DPYS: variants seen among roughly 807,000 people sequenced by gnomAD.
DPYS encodes the protein dihydropyrimidine amidohydrolase.
DPYS carries 39 observed loss-of-function variants against 50.3 expected under a neutral mutation model. That is an observed-to-expected ratio of 0.78 (90% CI 0.60 to 1.01). The LOEUF (loss-of-function observed/expected upper bound fraction) is 1.01. DPYS is among the 50% of genes least tolerant of loss of function. The probability of loss-of-function intolerance (pLI) is 0.00; values close to 1 mark genes in which losing one functional copy is unlikely to be tolerated. For missense variants in DPYS, 659 were observed against 680.9 expected (o/e 0.97, Z 0.36); for synonymous variants, 245 against 250.7 (o/e 0.98, Z 0.22).
At chr8:104,385,490 G>T (rs370752098) in intron 8 of DPYS, among the ~76,000 whole-genome samples, 34 of 152,174 alleles carry the variant, frequency 2.2e-4, no homozygotes, top group African/African-American at 7.5e-4. Context: ...CCCAGTACAT[G>T]CTGGTCAAGA....
chr8:104,433,398 G>T (rs1255014868), intron 4 of DPYS, among the ~76,000 whole-genome samples: 2 of 152,104 alleles, frequency 1.3e-5, no homozygotes, highest in East Asian at 1.9e-4. Flanking sequence ...AAAGGACAAT[G>T]GAGTGTTCTG....
rs1811025742 is a variant in DPYS, at chr8:104,381,280, T to G, written c.1478A>C (p.Tyr493Ser). 6.2e-7 allele frequency: 1 copy of G among 1,614,206 alleles called. No homozygotes were observed. Residue 493 changes from tyrosine to serine, a missense_variant, in exon 9 of 10, where the codon TAT (tyrosine) becomes TCT (serine). Physicochemically the swap from Tyr to Ser is moderately radical, Grantham distance 144. Coordinates refer to ENST00000351513, the MANE Select transcript of DPYS (RefSeq NM_001385.3). ...TTTCAGTGTGGCGACTTCTCCCTTA[T>G]AGGGTGCACGCTCCACAGGGGTAGG... ...CTPTPVERAPYKGEVATLKSR... is the reference protein window; with the variant it reads ...CTPTPVERAPSKGEVATLKSR...
intron 7 of DPYS, among the ~76,000 whole-genome samples, chr8:104,417,349 T>A (rs1812402115): frequency 6.6e-6 from 1 of 152,160 alleles, no homozygotes; most frequent in Non-Finnish European, 1.5e-5. Context: ...TGCCAGAACA[T>A]GACTTACTGC....
chr8:104,428,064 A>C lies in DPYS; in HGVS notation c.1008T>G (p.Ala336=), dbSNP rs1436575179. 36 of 1,614,118 alleles carry C rather than the reference A, an allele frequency of 2.2e-5. No homozygotes were observed. The highest frequency in any genetic ancestry group is 3.0e-5 in the Non-Finnish European group (35 of 1,180,046). Residue 336 remains alanine (A), a synonymous_variant, in exon 6 of 10, where the codon GCT becomes GCG. Coordinates refer to ENST00000351513, the MANE Select transcript of DPYS (RefSeq NM_001385.3). ...TCTTGGTAAAATCATCCTTCCCAAG[A>C]GCTTTCTGGCAGGTGTTGAAAGTGC... ...DNCTFNTCQK[A]LGKDDFTKIP... is the part of the protein sequence containing the mutation.
intron 4 of DPYS, among the ~76,000 whole-genome samples, chr8:104,443,316 G>A (rs1813415259): frequency 6.6e-6 from 1 of 150,526 alleles, no homozygotes; most frequent in African/African-American, 2.4e-5. Context: ...TTTAAGATGA[G>A]TATTTACATA....
At chr8:104,448,111 A>G (rs900508317) in intron 2 of DPYS, among the ~76,000 whole-genome samples, 1 of 150,828 alleles carries the variant, frequency 6.6e-6, no homozygotes, top group Non-Finnish European at 1.5e-5. Flanking sequence ...CAGGGTTGCC[A>G]GGGGTCAGGG....
intron 1 of DPYS, among the ~76,000 whole-genome samples, chr8:104,457,665 C>T (rs145892974): frequency 2.6e-5 from 4 of 152,126 alleles, no homozygotes; most frequent in Admixed American, 6.5e-5. Context: ...GAGAAAAGTT[C>T]GTGGCTGAAT....
intron 1 of DPYS, 46 bp from the exon 2 acceptor site, chr8:104,451,450 G>A (rs1172379175): frequency 6.2e-7 from 1 of 1,611,784 alleles, no homozygotes. Flanking sequence ...CAATTTCCTA[G>A]TTAAGTCATT....
At chr8:104,387,123 G>A (rs988575823) in intron 8 of DPYS, among the ~76,000 whole-genome samples, 1 of 152,184 alleles carries the variant, frequency 6.6e-6, no homozygotes, top group African/African-American at 2.4e-5. Flanking sequence ...TGAAATCCAC[G>A]CCTGGCCTGG....
chr8:104,395,143 G>C (rs1278637932), intron 7 of DPYS, among the ~76,000 whole-genome samples: 1 of 151,684 alleles, frequency 6.6e-6, no homozygotes, highest in Non-Finnish European at 1.5e-5. Flanking sequence ...CTACAGGCAC[G>C]TGCCACCACA....
intron 8 of DPYS, among the ~76,000 whole-genome samples, chr8:104,389,464 A>T: frequency 6.6e-6 from 1 of 152,086 alleles, no homozygotes; most frequent in East Asian, 1.9e-4. Context: ...TTTATTTAAT[A>T]TCTTTTCCAC....
intron 6 of DPYS, among the ~76,000 whole-genome samples, chr8:104,426,762 A>AG (rs1317825044): frequency 9.8e-5 from 15 of 152,360 alleles, no homozygotes; most frequent in Admixed American, 4.6e-4. Context: ...GTTAACACAT[A>AG]GACATTTAGT....
intron 1 of DPYS, among the ~76,000 whole-genome samples, chr8:104,457,024 A>C (rs910371650): frequency 2.6e-4 from 40 of 152,254 alleles, no homozygotes; most frequent in African/African-American, 9.2e-4. Flanking sequence ...AACTGAGGAT[A>C]GTATTGAACC....
chr8:104,412,331 T>C (rs996925305), intron 7 of DPYS, among the ~76,000 whole-genome samples: 1 of 152,224 alleles, frequency 6.6e-6, no homozygotes, highest in East Asian at 1.9e-4. Context: ...TCTTAGCTTC[T>C]ATGTGATGAG....
intron 4 of DPYS, 42 bp downstream of exon 4, chr8:104,444,206 A>G: frequency 6.2e-7 from 1 of 1,609,768 alleles, no homozygotes; most frequent in Non-Finnish European, 8.5e-7. Context: ...TTTTCTCTTC[A>G]GCTAACACTG....
At chr8:104,412,482 G>T (rs1185745459) in intron 7 of DPYS, among the ~76,000 whole-genome samples, 1 of 152,178 alleles carries the variant, frequency 6.6e-6, no homozygotes, top group South Asian at 2.1e-4. Context: ...CATTGTGTGT[G>T]CGGTTAGAAT....
At chr8:104,380,942 A>G in intron 9 of DPYS, 1 of 442,606 alleles carries the variant, frequency 2.3e-6, no homozygotes, top group Non-Finnish European at 4.2e-6. Flanking sequence ...TTGATTATCC[A>G]AGGCTGTATT....
At chr8:104,452,421 C>T (rs777928298) in intron 1 of DPYS, among the ~76,000 whole-genome samples, 2 of 152,220 alleles carry the variant, frequency 1.3e-5, no homozygotes, top group African/African-American at 2.4e-5. Context: ...TCAGCATCAA[C>T]ACTTATTCGC....
At chr8:104,434,333 T>C (rs1296586572) in intron 4 of DPYS, among the ~76,000 whole-genome samples, 1 of 152,134 alleles carries the variant, frequency 6.6e-6, no homozygotes, top group East Asian at 1.9e-4. Flanking sequence ...AGACTTAAGG[T>C]CTGTGTTGAT....
Sources: gnomAD v4.1 joint callset for allele counts (sites outside exome capture counted in the v4.1 genomes callset) on GRCh38, gnomAD v4.1.1 for gene constraint, MANE v1.5 for transcripts, NCBI Gene and HGNC (gene_info 2026-07-23, HGNC 2026-07-21) for gene names.